Variants in GIPR observed in about 807,000 individuals in gnomAD.
GIPR encodes gastric inhibitory polypeptide receptor.
A neutral mutation model predicts 62.2 loss-of-function variants in GIPR; 74 were observed. The observed-to-expected ratio is 1.19, with a 90% CI of 0.99 to 1.44. GIPR has a LOEUF of 1.44. GIPR is among the 40% of genes most tolerant of loss of function. The pLI is 0.00. For synonymous variants in GIPR, 256 were observed against 262.2 expected, an observed-to-expected ratio of 0.98 and a Z score of 0.23; for missense variants, 664 against 611.8, an observed-to-expected ratio of 1.09 and a Z score of -0.90.
In GIPR at chr19:45,674,153, C is replaced by A; in HGVS notation, c.464C>A (p.Ala155Asp). Residue 155 changes from alanine (A) to aspartate (D), a missense_variant, in exon 6 of 14, where the codon GCC becomes GAC. Transcript: ENST00000590918. ...CTGTCTCTCGCCACACTGCTGCTAG[C>A]CCTGCTCATCTTGAGTTTGTTCAGG... is the stretch of plus-strand genomic sequence containing the variant. ...YSLSLATLLLALLILSLFRRL... is the reference protein window; with the variant it reads ...YSLSLATLLLDLLILSLFRRL... 2 of 1,612,474 alleles carry A rather than the reference C, an allele frequency of 1.2e-6. No homozygotes were observed. Among genetic ancestry groups the A allele is most frequent in the East Asian group, 2.2e-5 (1 of 44,868 alleles).
In GIPR at chr19:45,674,819, G is replaced by A. The variant is rs771165150; in HGVS notation, c.626G>A (p.Trp209Ter). ...CTTGGGGACCAGGCCCTTGCGCTGT[G>A]GAACCAGGTGGGCATCCTCCTTCCG... ...PYLGDQALAL[W>*]NQALAACRTA... Residue 209 changes from tryptophan (W) to a stop codon, truncating the protein, a stop_gained, in exon 7 of 14, where the codon TGG becomes TAG. Coordinates refer to ENST00000590918, the MANE Select transcript of GIPR (RefSeq NM_000164.4). LOFTEE classifies it high-confidence loss of function. 1.9e-6 allele frequency: 3 copies of A among 1,613,890 alleles called. No homozygotes were observed. Among genetic ancestry groups the A allele is most frequent in the Non-Finnish European group, 2.5e-6 (3 of 1,179,906 alleles).
At chr19:45,674,225 T>A in intron 6 of GIPR, 48 bp downstream of exon 6, 1 of 1,223,318 alleles carries the variant, frequency 8.2e-7, no homozygotes, top group Non-Finnish European at 1.2e-6. Flanking sequence ...GAGCTCGGCC[T>A]CAGTTTGTCC....
intron 3 of GIPR, among the ~76,000 whole-genome samples, chr19:45,671,063 T>A (rs1167350533): frequency 7.0e-6 from 1 of 141,930 alleles, no homozygotes; most frequent in Non-Finnish European, 1.5e-5. Flanking sequence ...GAGCCCAGAG[T>A]GGGGCCGGGA....
chr19:45,670,662 G>A lies in GIPR; in HGVS notation c.100G>A (p.Glu34Lys). The change falls in exon 3 of 14, where the codon GAG (glutamate) becomes AAG (lysine). Residue 34 changes from glutamate to lysine, a missense_variant. By Grantham distance (56) the Glu-to-Lys change is moderately conservative. Coordinates refer to ENST00000590918, the MANE Select transcript of GIPR (RefSeq NM_000164.4). The part of the protein sequence containing the change: ...ETGSKGQTAG[E>K]LYQRWERYRR... ...AGGCTCTAAGGGGCAGACGGCGGGGGAGCTGTACCAGCGCTGGGAACGGTA... is the reference window on the plus strand; with the variant it reads ...AGGCTCTAAGGGGCAGACGGCGGGGAAGCTGTACCAGCGCTGGGAACGGTA... 6.2e-7 allele frequency: 1 copy of A among 1,613,436 alleles called. No individual in the cohort carries two copies. Among genetic ancestry groups the A allele is most frequent in the Non-Finnish European group, 8.5e-7 (1 of 1,179,746 alleles).
intron 7 of GIPR, 44 bp from the exon 8 acceptor site, chr19:45,676,905 C>G (rs1321477371): frequency 5.0e-6 from 8 of 1,590,074 alleles, no homozygotes; most frequent in Non-Finnish European, 6.9e-6. Flanking sequence ...GGGAGACACC[C>G]GGGCAGCGCT....
intron 2 of GIPR, 58 bp from the exon 3 acceptor site, chr19:45,670,577 C>A: frequency 8.1e-7 from 1 of 1,239,682 alleles, no homozygotes; most frequent in Non-Finnish European, 1.2e-6. Context: ...CCACATGGAC[C>A]TAGCAGCCTG....
chr19:45,670,793 G>T, intron 3 of GIPR, 59 bp downstream of exon 3: 1 of 1,080,716 alleles, frequency 9.3e-7, no homozygotes, highest in Non-Finnish European at 1.4e-6. Flanking sequence ...GGTGGGCTTG[G>T]GATGGGCCTT....
chr19:45,674,184 C>A lies in GIPR; in HGVS notation c.488+7C>A. On this transcript the variant is annotated splice_region_variant and intron_variant, in intron 6 of 13. Transcript: ENST00000590918. ...TCATCTTGAGTTTGTTCAGGTGGGA[C>A]CTTAACCCTGAGTGGTGGCGGCAGA... is the stretch of plus-strand genomic sequence containing the variant. 1 of 1,582,188 alleles carries A rather than the reference C, an allele frequency of 6.3e-7. No individual in the cohort carries two copies. The highest frequency in any genetic ancestry group is 1.3e-5 in the African/African-American group (1 of 74,360).
intron 5 of GIPR, among the ~76,000 whole-genome samples, chr19:45,673,633 A>T (rs1975666663): frequency 6.6e-6 from 1 of 152,006 alleles, no homozygotes; most frequent in Non-Finnish European, 1.5e-5. Flanking sequence ...TGGGAGGCCA[A>T]GGCGGGCGGA....
At chr19:45,679,917 C>T (rs1967138860) in intron 12 of GIPR, among the ~76,000 whole-genome samples, 1 of 152,024 alleles carries the variant, frequency 6.6e-6, no homozygotes, top group African/African-American at 2.4e-5. Flanking sequence ...TTACAGGTGC[C>T]CACTACCACG....
chr19:45,677,988 G>A lies in GIPR; in HGVS notation c.1007G>A (p.Arg336Gln). 1 of 1,613,724 alleles carries A rather than the reference G, an allele frequency of 6.2e-7. No homozygotes were observed. Among genetic ancestry groups the A allele is most frequent in the Non-Finnish European group, 8.5e-7 (1 of 1,180,012 alleles). The change falls in exon 11 of 14, where the codon CGG becomes CAG. Residue 336 changes from arginine (R) to glutamine (Q), a missense_variant. By Grantham distance (43) the Arg-to-Gln change is conservative. Transcript: ENST00000590918. ...CGGCAAATGCGCTGCCGGGATTACC[G>A]GCTGAGGTGAGGGCATGCGTTGGGG... ...RTRQMRCRDY[R>Q]LRLARSTLTL...
At chr19:45,671,425 A>G (rs1247237331) in intron 4 of GIPR, 33 bp downstream of exon 4, 1 of 1,337,086 alleles carries the variant, frequency 7.5e-7, no homozygotes, top group Non-Finnish European at 1.1e-6. Context: ...AGCCCTCCCC[A>G]GACACAAACA....
chr19:45,682,121 C>A lies in GIPR; in HGVS notation c.*186C>A. On this transcript the variant is annotated 3_prime_UTR_variant, in exon 14 of 14. Transcript: ENST00000590918. ...CACAAAACATCAAGTTCCACACACGCTATGGAATGGTTATGAAGGGAAGCG... is the reference window on the plus strand; with the variant it reads ...CACAAAACATCAAGTTCCACACACGATATGGAATGGTTATGAAGGGAAGCG... 4.7e-6 allele frequency: 3 copies of A among 634,592 alleles called. No homozygotes were observed. Among genetic ancestry groups the A allele is most frequent in the Non-Finnish European group, 5.7e-6 (2 of 353,196 alleles). The allele number at this position is 634,592 out of a possible 1,614,324, so 39.3% of individuals were successfully genotyped here.
At position 45,676,074 on chromosome 19, in the gene GIPR, A is replaced by C. The variant is rs569692664; in HGVS notation, c.634-875A>C. Among the ~76,000 whole-genome samples, 36 of 151,958 alleles carry C rather than the reference A, an allele frequency of 2.4e-4. No individual in the cohort carries two copies. The South Asian group carries it at 7.3e-3, about 31-fold the overall frequency. On this transcript the variant is annotated intron_variant, in intron 7 of 13. Coordinates refer to ENST00000590918, the MANE Select transcript of GIPR (RefSeq NM_000164.4). Reference sequence around the variant, plus strand: ...CAAAAATTAGCTGGGCATGGGGCACATGCCTGTAGTCCCAGCTACTCAGGA... The same window carrying C: ...CAAAAATTAGCTGGGCATGGGGCACCTGCCTGTAGTCCCAGCTACTCAGGA...
At chr19:45,668,685 C>T (rs1975383654) in intron 1 of GIPR, among the ~76,000 whole-genome samples, 1 of 152,224 alleles carries the variant, frequency 6.6e-6, no homozygotes, top group East Asian at 1.9e-4. Context: ...CCTTCTGAGG[C>T]TCGACCTGAG....
At position 45,683,662 on chromosome 19, in the gene GIPR, G is replaced by A. The variant is rs1444702680; in HGVS notation, c.*1727G>A. On this transcript the variant is annotated 3_prime_UTR_variant, in exon 14 of 14. Coordinates refer to ENST00000590918, the MANE Select transcript of GIPR (RefSeq NM_000164.4). ...CAATTCCCCTACACCCTGCCTTGTGGGTTCTCGCGGGGTGGGGGCCTTAGG... is the reference window on the plus strand; with the variant it reads ...CAATTCCCCTACACCCTGCCTTGTGAGTTCTCGCGGGGTGGGGGCCTTAGG... 1.3e-5 allele frequency: 2 copies of A among 152,208 alleles called. No individual in the cohort carries two copies. Among genetic ancestry groups the A allele is most frequent in the African/African-American group, 4.8e-5 (2 of 41,448 alleles). The allele number at this position is 152,208 out of a possible 1,614,324, so 9.4% of individuals were successfully genotyped here.
Position 45,681,718 on chromosome 19 carries a change from T to G in GIPR, c.1195-11T>G. 2 of 1,611,572 alleles carry G rather than the reference T, an allele frequency of 1.2e-6. No individual in the cohort carries two copies. The highest frequency in any genetic ancestry group is 2.2e-5 in the South Asian group (2 of 90,988). On this transcript the variant is annotated splice_polypyrimidine_tract_variant and intron_variant, in intron 13 of 13. Transcript: ENST00000590918. ...GGTACGGCGCCGCCTCTGAGCGCCA[T>G]CGTCTCACAGGTGCAGTCGGAGATC...
intron 2 of GIPR, 106 bp from the exon 3 acceptor site, chr19:45,670,529 G>A (rs1220173314): frequency 5.5e-6 from 4 of 731,264 alleles, no homozygotes; most frequent in Middle Eastern, 2.3e-4. Flanking sequence ...CGAACAACAC[G>A]CAACAGACCC....
chr19:45,683,695 T>G lies in GIPR; in HGVS notation c.*1760T>G, dbSNP rs888704770. ...CGGGGTGGGGGCCTTAGGGCAAGGC[T>G]CTTGTAAATAAAGTATAAGAAACAG... On this transcript the variant is annotated 3_prime_UTR_variant, in exon 14 of 14. Coordinates refer to ENST00000590918, the MANE Select transcript of GIPR (RefSeq NM_000164.4). The G allele has an allele frequency of 1.3e-5, 2 of 152,210 alleles. No homozygotes were observed. Among genetic ancestry groups the G allele is most frequent in the Non-Finnish European group, 2.9e-5 (2 of 68,058 alleles). The allele number at this position is 152,210 out of a possible 1,614,324, so 9.4% of individuals were successfully genotyped here.
Sources: allele counts gnomAD v4.1 joint callset (sites outside exome capture counted in the v4.1 genomes callset), GRCh38; gene constraint gnomAD v4.1.1; transcripts MANE v1.5; gene names NCBI Gene and HGNC (gene_info 2026-07-23, HGNC 2026-07-21).